The following LPCAT3 variants were observed in gnomAD, a reference collection of about 807,000 sequenced individuals.
LPCAT3 encodes lysophosphatidylcholine acyltransferase 3, also known as lysophospholipid acyltransferase 5.
A neutral mutation model predicts 63.4 loss-of-function variants in LPCAT3; 21 were observed. That is an observed-to-expected ratio of 0.33 (90% CI 0.23 to 0.48). The LOEUF (loss-of-function observed/expected upper bound fraction) is 0.48, where lower values mean the gene tolerates loss of function less well. LPCAT3 is among the 20% of genes least tolerant of loss of function. The pLI is 0.99. For synonymous variants in LPCAT3, 242 were observed against 227.5 expected, an observed-to-expected ratio of 1.06 and a Z score of -0.58; for missense variants, 451 against 590.6, an observed-to-expected ratio of 0.76 and a Z score of 2.45.
chr12:6,977,669 A>T lies in LPCAT3; in HGVS notation c.1117T>A (p.Trp373Arg). 5 of 1,614,262 alleles carry T rather than the reference A, an allele frequency of 3.1e-6. No individual in the cohort carries two copies. The highest frequency in any genetic ancestry group is 4.2e-6 in the Non-Finnish European group (5 of 1,180,040). ...AGGTATCCTGAGTGCAGGCCGTGCC[A>T]GAGGGCCAGGAATAGCAACGAGAGA... ...QGLSLLFLAL[W>R]HGLHSGYLVC... is the part of the protein sequence containing the mutation. The change falls in exon 10 of 13, where the codon TGG (tryptophan) becomes AGG (arginine). Residue 373 changes from tryptophan to arginine, a missense_variant. Around this residue, in one of 3 missense-constraint regions of LPCAT3, gnomAD observed 304 missense variants for 390.8 expected, o/e 0.78. Coordinates refer to ENST00000261407, the MANE Select transcript of LPCAT3 (RefSeq NM_005768.6). This position sits in a 1 kb window ranked among gnomAD's most constrained non-coding sequence, Gnocchi z 4.5.
At chr12:7,015,807 A>C (rs1555157548) in intron 1 of LPCAT3, among the ~76,000 whole-genome samples, 1 of 152,076 alleles carries the variant, frequency 6.6e-6, no homozygotes, top group African/African-American at 2.4e-5. Flanking sequence ...GGTGGTAATG[A>C]GAGAAGATGA....
chr12:7,015,649 T>C (rs1034225062), intron 1 of LPCAT3, among the ~76,000 whole-genome samples: 2 of 152,154 alleles, frequency 1.3e-5, no homozygotes, highest in African/African-American at 4.8e-5. Flanking sequence ...AAGCCCCAAG[T>C]TGATCTAAAA....
chr12:7,002,636 T>C (rs1404262610), intron 1 of LPCAT3, among the ~76,000 whole-genome samples: 1 of 152,234 alleles, frequency 6.6e-6, no homozygotes, highest in Non-Finnish European at 1.5e-5. Flanking sequence ...ATTATCCTTA[T>C]AAATTTGAAT....
intron 1 of LPCAT3, among the ~76,000 whole-genome samples, chr12:7,005,187 T>C (rs923166892): frequency 1.3e-5 from 2 of 152,248 alleles, no homozygotes. Context: ...AATGGAATCA[T>C]ACAATATGTG....
At chr12:7,000,726 CT>C (rs1946678744) in intron 1 of LPCAT3, among the ~76,000 whole-genome samples, 4 of 150,770 alleles carry the variant, frequency 2.7e-5, no homozygotes, top group Admixed American at 6.6e-5. Context: ...ATTGAGTATT[CT>C]TTTTTTGAGA....
chr12:6,996,678 G>A (rs145168248), intron 1 of LPCAT3, among the ~76,000 whole-genome samples: 49 of 152,248 alleles, frequency 3.2e-4, no homozygotes, highest in African/African-American at 1.2e-3. Flanking sequence ...AGGCATTGGG[G>A]GAATATGGTA....
intron 1 of LPCAT3, among the ~76,000 whole-genome samples, chr12:7,010,102 T>C (rs996756577): frequency 1.3e-5 from 2 of 152,330 alleles, no homozygotes; most frequent in Non-Finnish European, 2.9e-5. Context: ...AATGCACATG[T>C]TACTACCTTA....
chr12:7,003,961 G>A (rs1946708745), intron 1 of LPCAT3, among the ~76,000 whole-genome samples: 1 of 150,804 alleles, frequency 6.6e-6, no homozygotes, highest in African/African-American at 2.4e-5. Flanking sequence ...GAATTACCTA[G>A]GATGCTTATT....
Position 7,018,157 on chromosome 12 carries a change from C to G in LPCAT3, c.151+117G>C. 8.1e-7 allele frequency: 1 copy of G among 1,241,552 alleles called. No individual in the cohort carries two copies. The highest frequency in any genetic ancestry group is 1.1e-6 in the Non-Finnish European group (1 of 879,838). The allele number at this position is 1,241,552 out of a possible 1,614,324, so 76.9% of individuals were successfully genotyped here. On this transcript the variant is annotated intron_variant, in intron 1 of 12. Coordinates refer to ENST00000261407, the MANE Select transcript of LPCAT3 (RefSeq NM_005768.6). This position sits in a 1 kb window ranked among gnomAD's most constrained non-coding sequence, Gnocchi z 4.9. ...TGTTGGTGTGCTTCAGGATTCACAC[C>G]CGCACCCGGCACAGCCCTCCCGGGT...
intron 1 of LPCAT3, among the ~76,000 whole-genome samples, chr12:6,994,876 C>A (rs1161706898): frequency 2.6e-5 from 4 of 152,150 alleles, no homozygotes; most frequent in Non-Finnish European, 4.4e-5. Context: ...ATGTTGCTGA[C>A]CCCCAGGATC....
At chr12:6,981,203 A>G (rs1555154021) in intron 5 of LPCAT3, 21 bp from the exon 6 acceptor site, 3 of 1,576,138 alleles carry the variant, frequency 1.9e-6, no homozygotes, top group South Asian at 1.2e-5. Flanking sequence ...AAGAGAATGC[A>G]TGGTTCAGGA....
At chr12:7,009,263 G>A (rs1372086095) in intron 1 of LPCAT3, among the ~76,000 whole-genome samples, 1 of 152,160 alleles carries the variant, frequency 6.6e-6, no homozygotes, top group East Asian at 1.9e-4. Flanking sequence ...GTTTCACCAT[G>A]TTGGCCAGGC....
chr12:6,977,858 G>A lies in LPCAT3; in HGVS notation c.1041-113C>T, dbSNP rs1168354497. 22 of 1,273,440 alleles carry A rather than the reference G, an allele frequency of 1.7e-5. No individual in the cohort carries two copies. The highest frequency in any genetic ancestry group is 5.3e-5 in the South Asian group (4 of 76,176). The allele number at this position is 1,273,440 out of a possible 1,614,324, so 78.9% of individuals were successfully genotyped here. A position where few individuals can be genotyped will look rare whatever the true frequency, so the allele number is the denominator to read the frequency against. On this transcript the variant is annotated intron_variant, in intron 9 of 12. Transcript: ENST00000261407. The surrounding 1 kb of genome is among the most constrained non-coding windows in gnomAD (Gnocchi z 4.5). ...GATTGGAGTGCTGGTGGGTTCCCAC[G>A]TGTAGCCCCCAGAGGGTACAGGAGG...
chr12:6,978,273 C>G, intron 9 of LPCAT3, 68 bp downstream of exon 9: 2 of 1,539,854 alleles, frequency 1.3e-6, no homozygotes, highest in Non-Finnish European at 1.8e-6. Context: ...TGGTACACCC[C>G]TGCCCTCCAA....
intron 1 of LPCAT3, among the ~76,000 whole-genome samples, chr12:7,008,018 C>T (rs1946739127): frequency 6.6e-6 from 1 of 152,082 alleles, no homozygotes; most frequent in South Asian, 2.1e-4. Context: ...ATACAGAATA[C>T]TTCATTCAAG....
At chr12:7,002,260 C>T (rs986451978) in intron 1 of LPCAT3, among the ~76,000 whole-genome samples, 1 of 152,188 alleles carries the variant, frequency 6.6e-6, no homozygotes, top group Admixed American at 6.5e-5. Context: ...ATTTTTTATG[C>T]TTATGGGATT....
At position 6,979,243 on chromosome 12, in the gene LPCAT3, G is replaced by A. The variant is rs781935639; in HGVS notation, c.786+228C>T. On this transcript the variant is annotated intron_variant, in intron 7 of 12. Coordinates refer to ENST00000261407, the MANE Select transcript of LPCAT3 (RefSeq NM_005768.6). ...AGGAGCGGCTCCTAGAGAAGGCAAC[G>A]GGTGCTAAATGTGCACCTGGCACAG... The A allele has an allele frequency of 5.9e-5, 33 of 556,940 alleles. No homozygotes were observed. In the East Asian group the frequency reaches 8.7e-4, roughly 15 times the overall value. 34.5% of individuals were successfully genotyped at this position (556,940 alleles called of 1,614,324 possible).
chr12:6,985,181 GGAGATC>G (rs1946509763), intron 1 of LPCAT3, among the ~76,000 whole-genome samples: 1 of 151,214 alleles, frequency 6.6e-6, no homozygotes, highest in Non-Finnish European at 1.5e-5. Flanking sequence ...CATGAGGACA[GGAGATC>G]GAGACTATCC....
intron 1 of LPCAT3, among the ~76,000 whole-genome samples, chr12:7,008,706 T>C (rs1946743149): frequency 6.6e-6 from 1 of 151,750 alleles, no homozygotes; most frequent in African/African-American, 2.4e-5. Flanking sequence ...GAGCTGAGAT[T>C]GTACCTCTGC....
Sources: allele counts gnomAD v4.1 joint callset (sites outside exome capture counted in the v4.1 genomes callset), GRCh38; gene constraint gnomAD v4.1.1; regional missense constraint gnomAD v4.1.1; non-coding constraint Gnocchi (gnomAD v3.1); transcripts MANE v1.5; gene names NCBI Gene and HGNC (gene_info 2026-07-23, HGNC 2026-07-21).